The following MTA3 variants were observed in gnomAD, a reference collection of about 807,000 sequenced individuals.
MTA3 encodes metastasis-associated protein MTA3.
MTA3 carries 34 observed loss-of-function variants against 83.5 expected under a neutral mutation model. The ratio of observed to expected loss-of-function variants is 0.41; its 90% CI spans 0.31 to 0.54. MTA3 has a LOEUF of 0.54. MTA3 is among the 20% of genes least tolerant of loss of function. The probability of loss-of-function intolerance (pLI) is 0.33; values close to 1 mark genes in which losing one functional copy is unlikely to be tolerated. For synonymous variants in MTA3, 303 were observed against 252.7 expected (o/e 1.20, Z -1.89); for missense variants, 761 against 726.4 (o/e 1.05, Z -0.55).
At chr2:42,495,898 T>C (rs1001111204) in intron 2 of MTA3, among the ~76,000 whole-genome samples, 3 of 152,176 alleles carry the variant, frequency 2.0e-5, no homozygotes, top group Non-Finnish European at 2.9e-5. Context: ...CCAAGAACTT[T>C]GCAGGTCTTG....
chr2:42,618,769 G>A (rs1456788287), intron 4 of MTA3, among the ~76,000 whole-genome samples: 1 of 152,018 alleles, frequency 6.6e-6, no homozygotes, highest in Non-Finnish European at 1.5e-5. Flanking sequence ...CACTATGCCT[G>A]GCTTATTAAA....
chr2:42,577,929 T>G (rs1221994988), intron 2 of MTA3, among the ~76,000 whole-genome samples: 3 of 152,218 alleles, frequency 2.0e-5, no homozygotes, highest in Non-Finnish European at 2.9e-5. Flanking sequence ...AATTTTGGCC[T>G]GTTCATTTAG....
At chr2:42,654,203 A>T (rs1688955032) in intron 6 of MTA3, among the ~76,000 whole-genome samples, 1 of 152,204 alleles carries the variant, frequency 6.6e-6, no homozygotes, top group African/African-American at 2.4e-5. Context: ...CCAGGGACAG[A>T]ATGGGCAGGT....
Position 42,754,916 on chromosome 2 carries a change from TGAG to T in MTA3, c.*1524_*1526del, listed in dbSNP as rs1306561303. The T allele has an allele frequency of 1.0e-6, 1 of 985,560 alleles. No individual in the cohort carries two copies. The allele number at this position is 985,560 out of a possible 1,614,324, so 61.1% of individuals were successfully genotyped here. A position where few individuals can be genotyped will look rare whatever the true frequency, so the allele number is the denominator to read the frequency against. ...TTTGCAGACATCTCAGCTTCTTTTC[TGAG>T]GAGGAGTTGGTTCTCATCTTAGGCT... On this transcript the variant is annotated 3_prime_UTR_variant, in exon 17 of 17. Transcript: ENST00000405094.
chr2:42,514,429 T>C (rs2103676144), intron 2 of MTA3, among the ~76,000 whole-genome samples: 1 of 152,276 alleles, frequency 6.6e-6, no homozygotes, highest in East Asian at 1.9e-4. Context: ...TCACCCAGGC[T>C]GGAGTGCAGG....
At position 42,753,647 on chromosome 2, in the gene MTA3, C is replaced by T; in HGVS notation, c.*248C>T. 7.6e-7 allele frequency: 1 copy of T among 1,323,170 alleles called. No homozygotes were observed. The highest frequency in any genetic ancestry group is 1.6e-5 in the South Asian group (1 of 60,734). 82.0% of individuals were successfully genotyped at this position (1,323,170 alleles called of 1,614,324 possible). A position where few individuals can be genotyped will look rare whatever the true frequency, so the allele number is the denominator to read the frequency against. ...AGACCTCGCTGTTACGGAGCGAGAC[C>T]TGCTGAGAATTGAGGGGCTGAGGGA... On this transcript the variant is annotated 3_prime_UTR_variant, in exon 17 of 17. Coordinates refer to ENST00000405094, the MANE Select transcript of MTA3 (RefSeq NM_001330442.2).
At chr2:42,661,022 T>C (rs749091225) in intron 8 of MTA3, among the ~76,000 whole-genome samples, 1 of 152,188 alleles carries the variant, frequency 6.6e-6, no homozygotes, top group African/African-American at 2.4e-5. Context: ...TGTACAATTA[T>C]AGATTGTGAC....
intron 16 of MTA3, among the ~76,000 whole-genome samples, chr2:42,729,810 T>G (rs930877513): frequency 1.3e-5 from 2 of 152,218 alleles, no homozygotes; most frequent in African/African-American, 4.8e-5. Flanking sequence ...TTAGGACTAT[T>G]ATTTCTATCT....
intron 2 of MTA3, among the ~76,000 whole-genome samples, chr2:42,534,819 T>C (rs918461283): frequency 6.6e-6 from 1 of 152,064 alleles, no homozygotes; most frequent in African/African-American, 2.4e-5. Flanking sequence ...AAATGGGGTC[T>C]CACTGTGTTG....
intron 8 of MTA3, among the ~76,000 whole-genome samples, chr2:42,663,919 C>G (rs1689973896): frequency 6.6e-6 from 1 of 152,088 alleles, no homozygotes; most frequent in Admixed American, 6.5e-5. Flanking sequence ...TATATTCTTT[C>G]TAGTTATTTA....
chr2:42,571,683 C>T (rs919798832), intron 2 of MTA3, among the ~76,000 whole-genome samples: 1 of 152,172 alleles, frequency 6.6e-6, no homozygotes, highest in Non-Finnish European at 1.5e-5. Context: ...TGCGGTGGCT[C>T]ACGCCTGTAA....
intron 8 of MTA3, 139 bp downstream of exon 8, chr2:42,660,001 CT>C (rs1689523767): frequency 4.4e-6 from 2 of 458,096 alleles, no homozygotes; most frequent in Non-Finnish European, 7.5e-6. Context: ...GGCTTGGTTA[CT>C]TGGTTGACTG....
chr2:42,620,524 G>A (rs1685418045), intron 4 of MTA3, among the ~76,000 whole-genome samples: 2 of 152,062 alleles, frequency 1.3e-5, no homozygotes, highest in Admixed American at 6.6e-5. Context: ...ATAGGGTCTC[G>A]CTCTGTTGCT....
At chr2:42,703,336 G>T (rs1338443147) in intron 11 of MTA3, 6 of 152,100 alleles carry the variant, frequency 3.9e-5, no homozygotes, top group African/African-American at 9.7e-5. Flanking sequence ...AATCGGAGTG[G>T]TCATCATGAG....
intron 16 of MTA3, among the ~76,000 whole-genome samples, chr2:42,752,818 C>T (rs983423289): frequency 1.3e-5 from 2 of 152,194 alleles, no homozygotes; most frequent in Non-Finnish European, 2.9e-5. Flanking sequence ...CTAAACCCGC[C>T]TATTCAAAAC....
At chr2:42,506,274 G>A (rs1388043658) in intron 2 of MTA3, among the ~76,000 whole-genome samples, 2 of 151,958 alleles carry the variant, frequency 1.3e-5, no homozygotes, top group Non-Finnish European at 2.9e-5. Flanking sequence ...GTGAGACCCT[G>A]TCTCTACTAA....
rs1368003537 is a variant in MTA3, at chr2:42,548,816, T to A, written c.-140-21621T>A. Among the ~76,000 whole-genome samples, 27 of 35,178 alleles carry A rather than the reference T, an allele frequency of 7.7e-4. 3 individuals carry two copies. The highest frequency in any genetic ancestry group is 2.8e-3 in the African/African-American group (20 of 7,020). 23.1% of individuals were successfully genotyped at this position (35,178 alleles called of 152,430 possible). A position where few individuals can be genotyped will look rare whatever the true frequency, so the allele number is the denominator to read the frequency against. On this transcript the variant is annotated intron_variant, in intron 2 of 17. Transcript: ENST00000405592. ...AGACCCTGTCTCAAAAAAAAATATATATATATATATATAATATATATATAT... is the reference window on the plus strand; with the variant it reads ...AGACCCTGTCTCAAAAAAAAATATAAATATATATATATAATATATATATAT...
At chr2:42,716,085 A>G (rs1391401621) in intron 14 of MTA3, among the ~76,000 whole-genome samples, 4 of 152,164 alleles carry the variant, frequency 2.6e-5, no homozygotes, top group Non-Finnish European at 5.9e-5. Context: ...CTTCCACAAG[A>G]TGTTTATTAT....
chr2:42,646,923 G>A (rs193190840), intron 6 of MTA3, among the ~76,000 whole-genome samples: 2 of 152,022 alleles, frequency 1.3e-5, no homozygotes, highest in African/African-American at 2.4e-5. Flanking sequence ...TTGGGAGGTC[G>A]AGGCAGGCGG....
Sources: gnomAD v4.1 joint callset for allele counts (sites outside exome capture counted in the v4.1 genomes callset) on GRCh38, gnomAD v4.1.1 for gene constraint, MANE v1.5 for transcripts, NCBI Gene and HGNC (gene_info 2026-07-23, HGNC 2026-07-21) for gene names.